Variants in SAMD12 observed in about 807,000 individuals in gnomAD.
SAMD12 encodes sterile alpha motif domain containing 12, also known as sterile alpha motif domain-containing protein 12.
In SAMD12, 9 loss-of-function variants were observed where a neutral mutation model predicts 15.0. That is an observed-to-expected ratio of 0.60 (90% CI 0.36 to 1.05). SAMD12 has a LOEUF of 1.05. SAMD12 is among the 50% of genes least tolerant of loss of function. SAMD12 has a pLI of 0.01. For missense variants in SAMD12, 230 were observed against 234.2 expected (o/e 0.98, Z 0.12); for synonymous variants, 86 against 90.1 (o/e 0.96, Z 0.25).
intron 3 of SAMD12, among the ~76,000 whole-genome samples, chr8:118,404,517 T>G (rs537209372): frequency 1.1e-3 from 164 of 152,352 alleles, no homozygotes; most frequent in African/African-American, 3.9e-3. Context: ...CTTGATTGTT[T>G]GCCTGAAAAT....
At chr8:118,565,294 A>G (rs189441874) in intron 2 of SAMD12, among the ~76,000 whole-genome samples, 44 of 152,354 alleles carry the variant, frequency 2.9e-4, no homozygotes, top group African/African-American at 1.0e-3. Flanking sequence ...GTTGGGGAAC[A>G]GGATCAAAAA....
chr8:118,203,356 A>G (rs1819766038), intron 4 of SAMD12, among the ~76,000 whole-genome samples: 1 of 151,320 alleles, frequency 6.6e-6, no homozygotes, highest in Non-Finnish European at 1.5e-5. Flanking sequence ...CACAAATGGC[A>G]ATGTCTGGAG....
chr8:118,348,619 A>G (rs562486633), intron 4 of SAMD12, among the ~76,000 whole-genome samples: 2 of 151,090 alleles, frequency 1.3e-5, no homozygotes, highest in Non-Finnish European at 2.9e-5. Context: ...TGATCTGCCC[A>G]CCTCGGCCTC....
chr8:118,216,355 A>T (rs1223523605), intron 4 of SAMD12, among the ~76,000 whole-genome samples: 1 of 151,046 alleles, frequency 6.6e-6, no homozygotes, highest in Non-Finnish European at 1.5e-5. Flanking sequence ...TAGATTCTGG[A>T]TATTAGCCCT....
chr8:118,600,565 G>T (rs1342921444), intron 1 of SAMD12, among the ~76,000 whole-genome samples: 1 of 152,188 alleles, frequency 6.6e-6, no homozygotes, highest in African/African-American at 2.4e-5. Flanking sequence ...GGCATCACTA[G>T]TGACTCTATT....
intron 4 of SAMD12, among the ~76,000 whole-genome samples, chr8:118,254,078 C>G (rs1312549211): frequency 6.6e-6 from 1 of 152,156 alleles, no homozygotes; most frequent in Non-Finnish European, 1.5e-5. Context: ...AAACCATAGG[C>G]TCCTTCAAGC....
At chr8:118,200,661 C>T (rs926150049) in intron 4 of SAMD12, among the ~76,000 whole-genome samples, 1 of 152,138 alleles carries the variant, frequency 6.6e-6, no homozygotes, top group Non-Finnish European at 1.5e-5. Context: ...AGTGATGCTT[C>T]ACTGCTCTTT....
At chr8:118,140,223 G>A in the SAMD12 span, among the ~76,000 whole-genome samples, 1 of 152,044 alleles carries the variant, frequency 6.6e-6, no homozygotes, top group Non-Finnish European at 1.5e-5. Flanking sequence ...AAGCCAAAAT[G>A]TTCTCATTCT....
chr8:118,569,946 G>GT lies in SAMD12; in HGVS notation c.192+10768dup, dbSNP rs1826962312. Among the ~76,000 whole-genome samples, 3 of 152,328 alleles carry GT rather than the reference G, an allele frequency of 2.0e-5. No homozygotes were observed. In the South Asian group the frequency reaches 6.2e-4, roughly 32 times the overall value. On this transcript the variant is annotated intron_variant, in intron 2 of 3. Transcript: ENST00000314727. ...TACAGCCTTGGAAATAATATTTCAG[G>GT]TTTTACTTGGCACCTGGTGATCCAA...
the SAMD12 span, among the ~76,000 whole-genome samples, chr8:118,155,475 A>G: frequency 1.3e-5 from 2 of 152,234 alleles, no homozygotes; most frequent in African/African-American, 4.8e-5. Flanking sequence ...TATCCAGTGT[A>G]AAACTCAGCA....
chr8:118,134,359 G>T, the SAMD12 span, among the ~76,000 whole-genome samples: 6 of 152,264 alleles, frequency 3.9e-5, no homozygotes, highest in Non-Finnish European at 8.8e-5. Context: ...TTTTCTGGAA[G>T]TCACTATAAA....
the SAMD12 span, among the ~76,000 whole-genome samples, chr8:118,149,131 C>A: frequency 1.3e-5 from 2 of 152,028 alleles, no homozygotes; most frequent in Non-Finnish European, 2.9e-5. Context: ...ATTCTGTAGC[C>A]CAGGCTGAGG....
chr8:118,449,723 C>T (rs184267409), intron 2 of SAMD12, among the ~76,000 whole-genome samples: 1,998 of 147,776 alleles, frequency 0.014, 35 homozygotes, highest in African/African-American at 0.047. Context: ...ATGGCGTGAA[C>T]CCGGGAGGCA....
intron 4 of SAMD12, among the ~76,000 whole-genome samples, chr8:118,372,961 G>A (rs1819182611): frequency 6.6e-6 from 1 of 152,064 alleles, no homozygotes; most frequent in African/African-American, 2.4e-5. Context: ...CAAAACTGTA[G>A]GGATGGAAAA....
At chr8:118,597,849 T>C (rs891819360) in intron 1 of SAMD12, among the ~76,000 whole-genome samples, 17 of 152,204 alleles carry the variant, frequency 1.1e-4, no homozygotes, top group African/African-American at 4.1e-4. Flanking sequence ...TTTAATGGCA[T>C]ATGTGTTTGT....
intron 4 of SAMD12, chr8:118,295,549 A>AT (rs1220765165): frequency 6.6e-6 from 1 of 152,186 alleles, no homozygotes; most frequent in African/African-American, 2.4e-5. Flanking sequence ...ATCCACAGCA[A>AT]TTTTTATTAA....
At chr8:118,170,587 G>A in the SAMD12 span, among the ~76,000 whole-genome samples, 1 of 152,166 alleles carries the variant, frequency 6.6e-6, no homozygotes, top group Non-Finnish European at 1.5e-5. Context: ...GGGAAAAGGA[G>A]TCTTTTCAAC....
chr8:118,159,666 T>A, the SAMD12 span, among the ~76,000 whole-genome samples: 2 of 152,018 alleles, frequency 1.3e-5, no homozygotes, highest in East Asian at 3.9e-4. Flanking sequence ...GAAAAATTAA[T>A]CCTAGATAAA....
At chr8:118,371,467 C>A (rs1819093242) in intron 4 of SAMD12, among the ~76,000 whole-genome samples, 1 of 151,898 alleles carries the variant, frequency 6.6e-6, no homozygotes, top group African/African-American at 2.4e-5. Flanking sequence ...ACTTCACAAG[C>A]AGAACTCTGA....
Sources: allele counts gnomAD v4.1 joint callset (sites outside exome capture counted in the v4.1 genomes callset), GRCh38; gene constraint gnomAD v4.1.1; transcripts MANE v1.5; gene names NCBI Gene and HGNC (gene_info 2026-07-23, HGNC 2026-07-21).